EDEM1: variants seen among roughly 807,000 people sequenced by gnomAD.
The protein encoded by EDEM1 is ER degradation enhancing alpha-mannosidase like protein 1.
Under a neutral mutation model 74.4 loss-of-function variants are expected in EDEM1, and 67 were observed. The observed-to-expected ratio is 0.90, with a 90% CI of 0.74 to 1.10. The LOEUF is 1.10. EDEM1 is among the 50% of genes least tolerant of loss of function. EDEM1 has a pLI of 0.00. For missense variants in EDEM1, 926 were observed against 851.6 expected (o/e 1.09, Z -1.09); for synonymous variants, 382 against 335.9 (o/e 1.14, Z -1.50).
Position 5,210,219 on chromosome 3 carries a change from G to T in EDEM1, c.1554G>T (p.Leu518=). ...ACCTCCATGTAGGAATGGATATTCT[G>T]CAGAGTCTGGAAAAGTACACAAAAG... is the stretch of plus-strand genomic sequence containing the variant. The part of the protein sequence containing the change: ...PFYLHVGMDI[L]QSLEKYTKVK... Residue 518 remains leucine (L), a synonymous_variant, in exon 9 of 12, where the codon CTG becomes CTT. Coordinates refer to ENST00000256497, the MANE Select transcript of EDEM1 (RefSeq NM_014674.3). The T allele has an allele frequency of 1.2e-6, 2 of 1,614,206 alleles. No individual in the cohort carries two copies. Among genetic ancestry groups the T allele is most frequent in the Non-Finnish European group, 1.7e-6 (2 of 1,180,018 alleles).
chr3:5,206,550 T>A (rs1470667685), intron 6 of EDEM1, among the ~76,000 whole-genome samples: 1 of 152,222 alleles, frequency 6.6e-6, no homozygotes, highest in African/African-American at 2.4e-5. Flanking sequence ...GTGTCCAGTT[T>A]CAGTGCAAGT....
rs1191932846 is a variant in EDEM1 at position 5,208,170 on chromosome 3, C to A, written c.1416C>A (p.Leu472=). The change falls in exon 8 of 12, where the codon CTC becomes CTA. Residue 472 remains leucine, a synonymous_variant. Transcript: ENST00000256497. ...CCATATGGAAACGATATGGTGCCCT[C>A]CCTGAGAGATATAACTGGCAGCTGC... ...YYAIWKRYGA[L]PERYNWQLQA... 3.7e-6 allele frequency: 6 copies of A among 1,613,440 alleles called. No homozygotes were observed. The highest frequency in any genetic ancestry group is 5.1e-6 in the Non-Finnish European group (6 of 1,179,886).
chr3:5,189,872 T>G (rs985101918), intron 1 of EDEM1, among the ~76,000 whole-genome samples: 1 of 152,246 alleles, frequency 6.6e-6, no homozygotes, highest in Non-Finnish European at 1.5e-5. Context: ...GTGCTGGGAT[T>G]ACAGGCGTGA....
At chr3:5,213,293 T>G (rs913281028) in intron 10 of EDEM1, 26 bp from the exon 11 acceptor site, 1 of 1,601,912 alleles carries the variant, frequency 6.2e-7, no homozygotes, top group African/African-American at 1.3e-5. Context: ...AATTATTGGT[T>G]GTATCTTTTT....
rs796439836 is a variant in EDEM1, at chr3:5,188,537, T to G, written c.509+223T>G. On this transcript the variant is annotated intron_variant, in intron 1 of 11. Transcript: ENST00000256497. The stretch of plus-strand genomic sequence containing the variant: ...TTCCTCTCCTGATTCTCCCGGAATC[T>G]CCAAACTTCAGAACTGCTGTCCAGC... 27 of 429,166 alleles carry G rather than the reference T, an allele frequency of 6.3e-5. No individual in the cohort carries two copies. The East Asian group carries it at 8.7e-4, about 14-fold the overall frequency. 26.6% of individuals were successfully genotyped at this position (429,166 alleles called of 1,614,324 possible). A position where few individuals can be genotyped will look rare whatever the true frequency, so the allele number is the denominator to read the frequency against.
rs2055288559 is a variant in EDEM1, at chr3:5,219,606, A to T, written c.*3688A>T. On this transcript the variant is annotated 3_prime_UTR_variant, in exon 12 of 12. Coordinates refer to ENST00000256497, the MANE Select transcript of EDEM1 (RefSeq NM_014674.3). ...CTTCCTTCTTTCTGCAAGGCAGAGG[A>T]ATAATATTTTTAAAGGTTATTTTGT... is the stretch of plus-strand genomic sequence containing the variant. 6.6e-6 allele frequency: 1 copy of T among 152,390 alleles called. No individual in the cohort carries two copies. The highest frequency in any genetic ancestry group is 1.5e-5 in the Non-Finnish European group (1 of 68,050). 9.4% of individuals were successfully genotyped at this position (152,390 alleles called of 1,614,324 possible). A position where few individuals can be genotyped will look rare whatever the true frequency, so the allele number is the denominator to read the frequency against.
intron 1 of EDEM1, chr3:5,189,602 T>TAAAA (rs1227474208): frequency 1.3e-5 from 2 of 152,248 alleles, no homozygotes; most frequent in Non-Finnish European, 2.9e-5. Flanking sequence ...CCTTTCCAGA[T>TAAAA]TTTTTGTTTG....
Position 5,207,209 on chromosome 3 carries a change from TG to T in EDEM1, c.1275del (p.Met425IlefsTer6). 1 of 1,614,198 alleles carries T rather than the reference TG, an allele frequency of 6.2e-7. No individual in the cohort carries two copies. Among genetic ancestry groups the T allele is most frequent in the Non-Finnish European group, 8.5e-7 (1 of 1,180,036 alleles). On this transcript the variant is annotated frameshift_variant, in exon 7 of 12. Transcript: ENST00000256497. LOFTEE classifies it high-confidence loss of function. ...GDPPLYVNVN[M>X]FSGQLMNTWI... is the part of the protein sequence containing the mutation. ...CCTCCACTCTATGTCAACGTGAACATGTTCAGTGGGCAGCTGATGAACACCT... is the reference window on the plus strand; with the variant it reads ...CCTCCACTCTATGTCAACGTGAACATTTCAGTGGGCAGCTGATGAACACCT...
At chr3:5,215,034 A>T (rs551845140) in intron 11 of EDEM1, among the ~76,000 whole-genome samples, 13 of 152,342 alleles carry the variant, frequency 8.5e-5, no homozygotes, top group Admixed American at 7.8e-4. Context: ...AAGGGTGTTC[A>T]GGCAGAAGCA....
intron 1 of EDEM1, among the ~76,000 whole-genome samples, chr3:5,193,602 T>A (rs905816174): frequency 6.7e-6 from 1 of 149,390 alleles, no homozygotes; most frequent in Admixed American, 6.7e-5. Context: ...TATCTAAAAT[T>A]TTTTTTTTTT....
At chr3:5,208,589 A>G (rs1020564400) in intron 8 of EDEM1, among the ~76,000 whole-genome samples, 8 of 152,132 alleles carry the variant, frequency 5.3e-5, no homozygotes, top group Non-Finnish European at 7.4e-5. Flanking sequence ...ATGTGACCAG[A>G]AGACCCGTTT....
chr3:5,212,192 A>C (rs2055175974), intron 10 of EDEM1, among the ~76,000 whole-genome samples: 1 of 152,194 alleles, frequency 6.6e-6, no homozygotes, highest in Non-Finnish European at 1.5e-5. Flanking sequence ...GTGGTTTCAC[A>C]TGAGCCAGGT....
Position 5,205,149 on chromosome 3 carries a change from C to G in EDEM1, c.1125C>G (p.Tyr375Ter). The change falls in exon 6 of 12, where the codon TAC becomes TAG. Residue 375 changes from tyrosine to a stop codon, truncating the protein, a stop_gained. Coordinates refer to ENST00000256497, the MANE Select transcript of EDEM1 (RefSeq NM_014674.3). LOFTEE classifies it high-confidence loss of function. ...CCGGGCTGGACTCCTTCTATGAATACCTCTTGAAATCTTACATTCTCTTTG... is the reference window on the plus strand; with the variant it reads ...CCGGGCTGGACTCCTTCTATGAATAGCTCTTGAAATCTTACATTCTCTTTG... ...LGAGLDSFYE[Y>*]LLKSYILFGE... The G allele has an allele frequency of 6.2e-7, 1 of 1,614,216 alleles. No individual in the cohort carries two copies. The highest frequency in any genetic ancestry group is 1.1e-5 in the South Asian group (1 of 91,084).
At position 5,188,275 on chromosome 3, in the gene EDEM1, C is replaced by T. The variant is rs1001504569; in HGVS notation, c.470C>T (p.Pro157Leu). ...GCCTTCCCCCAGGACGAGCTCAACC[C>T]CATCCACTGCCGCGGCCGTGGGCCC... ...AHAFPQDELNPIHCRGRGPDR... is the reference protein window; with the variant it reads ...AHAFPQDELNLIHCRGRGPDR... Residue 157 changes from proline to leucine, a missense_variant, in exon 1 of 12, where the codon CCC becomes CTC. Physicochemically the swap from Pro to Leu is moderately conservative, Grantham distance 98. Coordinates refer to ENST00000256497, the MANE Select transcript of EDEM1 (RefSeq NM_014674.3). 3 of 1,551,386 alleles carry T rather than the reference C, an allele frequency of 1.9e-6. No individual in the cohort carries two copies. Among genetic ancestry groups the T allele is most frequent in the East Asian group, 5.2e-5 (2 of 38,228 alleles).
At chr3:5,209,785 G>A (rs1013573719) in intron 8 of EDEM1, among the ~76,000 whole-genome samples, 3 of 152,190 alleles carry the variant, frequency 2.0e-5, no homozygotes, top group Non-Finnish European at 4.4e-5. Flanking sequence ...ATGGCGGCAA[G>A]GTCCTCTTTC....
At chr3:5,199,806 T>G in intron 3 of EDEM1, 111 bp downstream of exon 3, 1 of 708,504 alleles carries the variant, frequency 1.4e-6, no homozygotes, top group Non-Finnish European at 2.3e-6. Flanking sequence ...GGAGTCCATA[T>G]GGGCTTTATG....
At position 5,208,277 on chromosome 3, in the gene EDEM1, G is replaced by A. The variant is rs974921969; in HGVS notation, c.1509+14G>A. 27 of 1,368,184 alleles carry A rather than the reference G, an allele frequency of 2.0e-5. No individual in the cohort carries two copies. Among genetic ancestry groups the A allele is most frequent in the African/African-American group, 3.0e-5 (2 of 66,776 alleles). The allele number at this position is 1,368,184 out of a possible 1,614,324, so 84.8% of individuals were successfully genotyped here. On this transcript the variant is annotated intron_variant, in intron 8 of 11. Coordinates refer to ENST00000256497, the MANE Select transcript of EDEM1 (RefSeq NM_014674.3). ...CTCCTCTACCAGGTACTAGAGTTGT[G>A]TTTTTTTTTTTTTCCTTTCACTGCC... is the stretch of plus-strand genomic sequence containing the variant.
intron 1 of EDEM1, 96 bp downstream of exon 1, chr3:5,188,410 G>A: frequency 1.6e-6 from 2 of 1,268,274 alleles, no homozygotes; most frequent in Non-Finnish European, 2.0e-6. Context: ...GCCCCCGAGG[G>A]CGCCAGGGCC....
At chr3:5,195,907 A>G (rs886387466) in intron 2 of EDEM1, among the ~76,000 whole-genome samples, 1 of 152,258 alleles carries the variant, frequency 6.6e-6, no homozygotes, top group Non-Finnish European at 1.5e-5. Flanking sequence ...CACTCAGTAC[A>G]TGGTGCCATG....
Sources: allele counts gnomAD v4.1 joint callset (sites outside exome capture counted in the v4.1 genomes callset), GRCh38; gene constraint gnomAD v4.1.1; transcripts MANE v1.5; gene names NCBI Gene and HGNC (gene_info 2026-07-23, HGNC 2026-07-21).